APTX: variants seen among roughly 807,000 people sequenced by gnomAD.
The protein encoded by APTX is forkhead-associated domain histidine triad-like protein.
A neutral mutation model predicts 42.3 loss-of-function variants in APTX; 33 were observed. That is an observed-to-expected ratio of 0.78 (90% CI 0.59 to 1.04). The LOEUF is 1.04. Ranked by LOEUF, APTX falls within the 50% of genes least tolerant of loss-of-function variation. APTX has a pLI of 0.00. For synonymous variants in APTX, 130 were observed against 146.7 expected (o/e 0.89, Z 0.82); for missense variants, 421 against 415.1 (o/e 1.01, Z -0.12).
chr9:33,000,378 A>T (rs541936996), intron 1 of APTX, among the ~76,000 whole-genome samples: 1 of 152,092 alleles, frequency 6.6e-6, no homozygotes, highest in East Asian at 1.9e-4. Flanking sequence ...TGTAATCCCA[A>T]CACTTTGGGA....
At chr9:32,984,508 T>C in intron 6 of APTX, 123 bp downstream of exon 6, 1 of 993,514 alleles carries the variant, frequency 1.0e-6, no homozygotes. Flanking sequence ...CCACCTGCTT[T>C]GGAAAAACTC....
At chr9:33,003,260 A>G (rs543132180), upstream of APTX, among the ~76,000 whole-genome samples, 13 of 152,318 alleles carry the variant, frequency 8.5e-5, no homozygotes, top group African/African-American at 2.9e-4. Context: ...TCCATTGTCT[A>G]TAGTGTATTA....
chr9:32,995,137 T>C (rs1412409411), intron 1 of APTX, among the ~76,000 whole-genome samples: 4 of 152,256 alleles, frequency 2.6e-5, no homozygotes, highest in African/African-American at 9.6e-5. Context: ...CTGCAGCCCA[T>C]GGATCAAGGA....
At chr9:32,995,394 T>G (rs1027165214) in intron 1 of APTX, among the ~76,000 whole-genome samples, 2 of 152,148 alleles carry the variant, frequency 1.3e-5, no homozygotes, top group Non-Finnish European at 2.9e-5. Context: ...GGTTCAAGAC[T>G]TCAATGGAGG....
At chr9:32,995,382 G>A (rs1834587264) in intron 1 of APTX, among the ~76,000 whole-genome samples, 1 of 152,160 alleles carries the variant, frequency 6.6e-6, no homozygotes, top group Admixed American at 6.5e-5. Context: ...ATGACTTTCA[G>A]GGGTTCAAGA....
At chr9:33,008,112 G>A (rs939860852) in intron 1 of APTX, among the ~76,000 whole-genome samples, 15 of 151,846 alleles carry the variant, frequency 9.9e-5, no homozygotes, top group Admixed American at 3.9e-4. Flanking sequence ...TCCCAACTTC[G>A]TTATGTCATG....
chr9:33,015,998 T>C (rs1418592590), intron 1 of APTX: 1 of 152,228 alleles, frequency 6.6e-6, no homozygotes, highest in African/African-American at 2.4e-5. Context: ...AAAATAATTA[T>C]CTAGAAGATG....
At chr9:33,024,655 G>A (rs1406866074) in intron 1 of APTX, 2 of 152,130 alleles carry the variant, frequency 1.3e-5, no homozygotes, top group Non-Finnish European at 2.9e-5. Context: ...AATCAGCGAG[G>A]TCCAGGGCAG....
chr9:32,995,904 A>AT (rs35156771), intron 1 of APTX, among the ~76,000 whole-genome samples: 1 of 151,270 alleles, frequency 6.6e-6, no homozygotes, highest in Non-Finnish European at 1.5e-5. Flanking sequence ...AAAAAAAAAA[A>AT]GAAATTGCCA....
At chr9:33,021,949 G>T (rs1401279571) in intron 1 of APTX, among the ~76,000 whole-genome samples, 1 of 146,070 alleles carries the variant, frequency 6.8e-6, no homozygotes, top group Non-Finnish European at 1.5e-5. Context: ...AACACATCAA[G>T]GCTGTTAATT....
chr9:33,011,448 C>T (rs1040449848), intron 1 of APTX, among the ~76,000 whole-genome samples: 16 of 151,810 alleles, frequency 1.1e-4, no homozygotes, highest in African/African-American at 7.3e-5. Context: ...CCACCACGCC[C>T]GGCTAATTTT....
At chr9:32,979,606 C>G (rs1341824338) in intron 6 of APTX, 1 of 155,434 alleles carries the variant, frequency 6.4e-6, no homozygotes, top group Non-Finnish European at 1.5e-5. Flanking sequence ...CGAATGTTAT[C>G]AGTCCATCAG....
At chr9:32,997,630 G>A (rs1222714291) in intron 1 of APTX, among the ~76,000 whole-genome samples, 2 of 126,816 alleles carry the variant, frequency 1.6e-5, no homozygotes, top group Non-Finnish European at 3.5e-5. Flanking sequence ...AGAGAACAAG[G>A]GCAAGTACAC....
chr9:33,024,995 C>G (rs1457865523), intron 1 of APTX: 1 of 152,450 alleles, frequency 6.6e-6, no homozygotes, highest in Non-Finnish European at 1.5e-5. Context: ...AACCCTAGGA[C>G]TTGCAGTGCT....
rs769110585 is a variant in APTX at position 32,986,038 on chromosome 9, AAAAAC to A, written c.484-13_484-9del. The A allele has an allele frequency of 6.8e-4, 446 of 655,986 alleles. No homozygotes were observed. Among genetic ancestry groups the A allele is most frequent in the Non-Finnish European group, 9.2e-4 (411 of 444,640 alleles). The allele number at this position is 655,986 out of a possible 1,614,324, so 40.6% of individuals were successfully genotyped here. On this transcript the variant is annotated splice_polypyrimidine_tract_variant and intron_variant, in intron 4 of 7. Coordinates refer to ENST00000379817, the MANE Select transcript of APTX (RefSeq NM_001195248.2). The stretch of plus-strand genomic sequence containing the variant: ...CCAGTGGCCCAGGGATTCCTAAAAA[AAAAAC>A]AAAAAAAAAAACAAAAAAAAAAAAA...
At chr9:33,000,845 C>CTTTTTTT (rs74178838) in intron 1 of APTX, among the ~76,000 whole-genome samples, 2 of 98,804 alleles carry the variant, frequency 2.0e-5, no homozygotes, top group African/African-American at 3.8e-5. Context: ...TTTTTTTTTT[C>CTTTTTTT]TTTTTTTTTT....
chr9:33,001,244 C>T (rs947814258), intron 1 of APTX: 2 of 1,345,314 alleles, frequency 1.5e-6, no homozygotes, highest in Non-Finnish European at 1.9e-6. Flanking sequence ...GGAAACGCTG[C>T]CCTTCCCGAC....
At chr9:33,011,050 T>C (rs935787205) in intron 1 of APTX, among the ~76,000 whole-genome samples, 7 of 150,676 alleles carry the variant, frequency 4.6e-5, no homozygotes, top group African/African-American at 7.3e-5. Context: ...AGCTGAGGCA[T>C]GAAAATTGCT....
chr9:32,974,001 A>G (rs1828718931), intron 7 of APTX, among the ~76,000 whole-genome samples: 1 of 151,962 alleles, frequency 6.6e-6, no homozygotes, highest in Non-Finnish European at 1.5e-5. Flanking sequence ...CACACCAGGA[A>G]ATGCTTTCCT....
Sources: gnomAD v4.1 joint callset for allele counts (sites outside exome capture counted in the v4.1 genomes callset) on GRCh38, gnomAD v4.1.1 for gene constraint, MANE v1.5 for transcripts, NCBI Gene and HGNC (gene_info 2026-07-23, HGNC 2026-07-21) for gene names.